TYW1: variants seen among roughly 807,000 people sequenced by gnomAD.
The protein encoded by TYW1 is S-adenosyl-L-methionine-dependent tRNA 4-demethylwyosine synthase TYW1.
TYW1 carries 46 observed loss-of-function variants against 96.2 expected under a neutral mutation model. The observed-to-expected ratio is 0.48, with a 90% CI of 0.38 to 0.61. The LOEUF is 0.61. TYW1 is among the 20% of genes least tolerant of loss of function. TYW1 has a pLI of 0.00. For synonymous variants in TYW1, 274 were observed against 323.0 expected (o/e 0.85, Z 1.63); for missense variants, 684 against 909.6 (o/e 0.75, Z 3.19).
chr7:67,068,994 A>G (rs1005553044), intron 10 of TYW1, among the ~76,000 whole-genome samples: 1 of 152,180 alleles, frequency 6.6e-6, no homozygotes, highest in Non-Finnish European at 1.5e-5. Flanking sequence ...TTCTTCCTTT[A>G]GCAACCAAAA....
At chr7:67,111,941 T>A (rs1417639907) in intron 12 of TYW1, among the ~76,000 whole-genome samples, 2 of 150,820 alleles carry the variant, frequency 1.3e-5, no homozygotes, top group Non-Finnish European at 1.5e-5. Context: ...TACTAAAAAT[T>A]CAAAAAAATT....
intron 13 of TYW1, among the ~76,000 whole-genome samples, chr7:67,170,870 G>A (rs1435492546): frequency 2.0e-5 from 3 of 152,174 alleles, no homozygotes; most frequent in African/African-American, 7.2e-5. Flanking sequence ...TACATCATAA[G>A]GGATTGGATT....
At chr7:67,055,130 T>G (rs1324781454) in intron 8 of TYW1, among the ~76,000 whole-genome samples, 1 of 152,192 alleles carries the variant, frequency 6.6e-6, no homozygotes, top group East Asian at 1.9e-4. Context: ...AATGTTTCAC[T>G]GGTCCATGAA....
At chr7:67,080,871 A>T (rs1584536466) in intron 10 of TYW1, among the ~76,000 whole-genome samples, 1 of 143,600 alleles carries the variant, frequency 7.0e-6, no homozygotes, top group South Asian at 2.2e-4. Flanking sequence ...ATCCATTTAC[A>T]TTCAAGGTTA....
At chr7:67,054,987 A>G (rs1795463464) in intron 8 of TYW1, among the ~76,000 whole-genome samples, 1 of 152,166 alleles carries the variant, frequency 6.6e-6, no homozygotes, top group Non-Finnish European at 1.5e-5. Flanking sequence ...TTGGGTCAGC[A>G]TTACTTTGTT....
intron 13 of TYW1, among the ~76,000 whole-genome samples, chr7:67,148,939 C>T (rs977677095): frequency 2.6e-5 from 4 of 152,144 alleles, no homozygotes; most frequent in Admixed American, 6.5e-5. Flanking sequence ...TCAAAAGTGG[C>T]TTGGGATTTA....
chr7:67,155,517 A>G (rs970078074), intron 13 of TYW1, among the ~76,000 whole-genome samples: 2 of 151,972 alleles, frequency 1.3e-5, no homozygotes, highest in African/African-American at 4.8e-5. Flanking sequence ...CTGTGAGCGA[A>G]TTAAACCTCT....
intron 15 of TYW1, among the ~76,000 whole-genome samples, chr7:67,202,328 C>T (rs9986995): frequency 0.25 from 38,154 of 151,928 alleles, 4,979 homozygotes; most frequent in African/African-American, 0.3. Flanking sequence ...TGACCTGAAA[C>T]CAGAGAGGTC....
chr7:67,217,836 G>T (rs1401441178), intron 15 of TYW1, among the ~76,000 whole-genome samples: 3 of 139,592 alleles, frequency 2.1e-5, no homozygotes, highest in East Asian at 4.6e-4. Context: ...ACTTTGGGTA[G>T]TGTTGATGTC....
At chr7:67,124,908 C>T (rs945356406) in intron 13 of TYW1, among the ~76,000 whole-genome samples, 1 of 152,084 alleles carries the variant, frequency 6.6e-6, no homozygotes, top group Non-Finnish European at 1.5e-5. Context: ...GATCTTTGCT[C>T]ACTGCACCCT....
chr7:67,029,409 G>GTA lies in TYW1; in HGVS notation c.984+4388_984+4389insAT. 7.5e-5 allele frequency among the ~76,000 whole-genome samples: 8 copies of GTA among 107,142 alleles called. 1 individual carries two copies. Among genetic ancestry groups the GTA allele is most frequent in the Admixed American group, 4.3e-4 (4 of 9,202 alleles). 70.3% of individuals were successfully genotyped at this position (107,142 alleles called of 152,430 possible). ...TGTGTGTGTGTGTGTGTGTGTGTGT[G>GTA]TGTGTGTATATATATATATATATAA... On this transcript the variant is annotated intron_variant, in intron 7 of 15. Coordinates refer to ENST00000359626, the MANE Select transcript of TYW1 (RefSeq NM_018264.4).
chr7:67,059,920 G>C (rs1286326302), intron 9 of TYW1, among the ~76,000 whole-genome samples: 1 of 149,908 alleles, frequency 6.7e-6, no homozygotes, highest in East Asian at 2.0e-4. Flanking sequence ...TTACAGGTAT[G>C]CATCACCACG....
At chr7:67,135,676 AT>A (rs1308266582) in intron 13 of TYW1, among the ~76,000 whole-genome samples, 1 of 151,800 alleles carries the variant, frequency 6.6e-6, no homozygotes, top group East Asian at 1.9e-4. Flanking sequence ...TTCTCTGTAA[AT>A]AAAGGATCTG....
At chr7:67,234,460 C>T (rs997694714) in intron 15 of TYW1, among the ~76,000 whole-genome samples, 6 of 151,910 alleles carry the variant, frequency 3.9e-5, no homozygotes, top group African/African-American at 1.5e-4. Context: ...AGCAAGAAGG[C>T]AGCCGCCTTC....
Position 67,238,684 on chromosome 7 carries a change from G to A in TYW1, c.*155G>A, listed in dbSNP as rs544723541. On this transcript the variant is annotated 3_prime_UTR_variant, in exon 16 of 16. Transcript: ENST00000359626. ...TAAACATGGAGACACGGGGGACAGCGTCCACACTCAGAGGGCCTGGGCCAC... is the reference window on the plus strand; with the variant it reads ...TAAACATGGAGACACGGGGGACAGCATCCACACTCAGAGGGCCTGGGCCAC... 325 of 1,438,858 alleles carry A rather than the reference G, an allele frequency of 2.3e-4. No individual in the cohort carries two copies. Among genetic ancestry groups the A allele is most frequent in the Admixed American group, 6.3e-4 (22 of 34,820 alleles). 89.1% of individuals were successfully genotyped at this position (1,438,858 alleles called of 1,614,324 possible). A position where few individuals can be genotyped will look rare whatever the true frequency, so the allele number is the denominator to read the frequency against.
At chr7:67,167,869 C>T (rs1799395210) in intron 13 of TYW1, among the ~76,000 whole-genome samples, 1 of 151,996 alleles carries the variant, frequency 6.6e-6, no homozygotes, top group Admixed American at 6.6e-5. Context: ...ATTCTCCTGC[C>T]TCAGCCTCCC....
At chr7:67,138,523 T>A (rs10257698) in intron 13 of TYW1, among the ~76,000 whole-genome samples, 9,521 of 151,478 alleles carry the variant, frequency 0.063, 488 homozygotes, top group East Asian at 0.17. Context: ...AATTAAATTA[T>A]GTTTGACTAT....
chr7:67,146,064 C>T (rs1448001864), intron 13 of TYW1, among the ~76,000 whole-genome samples: 1 of 152,166 alleles, frequency 6.6e-6, no homozygotes, highest in Non-Finnish European at 1.5e-5. Flanking sequence ...CCGTGCCTGG[C>T]CTTTGTTCTT....
intron 13 of TYW1, among the ~76,000 whole-genome samples, chr7:67,148,957 T>G (rs1031527469): frequency 2.6e-5 from 4 of 152,232 alleles, no homozygotes; most frequent in Admixed American, 6.5e-5. Context: ...TTAAAATGAT[T>G]GTGACCCATT....
Sources: allele counts gnomAD v4.1 joint callset (sites outside exome capture counted in the v4.1 genomes callset), GRCh38; gene constraint gnomAD v4.1.1; transcripts MANE v1.5; gene names NCBI Gene and HGNC (gene_info 2026-07-23, HGNC 2026-07-21).